Variants in CCDC110 observed in about 807,000 individuals in gnomAD.
The protein encoded by CCDC110 is coiled-coil domain containing 110.
Under a neutral mutation model 77.1 loss-of-function variants are expected in CCDC110, and 70 were observed. That is an observed-to-expected ratio of 0.91 (90% CI 0.75 to 1.11). The LOEUF is 1.11. CCDC110 is among the 50% of genes least tolerant of loss of function. CCDC110 has a pLI of 0.00. For missense variants in CCDC110, 868 were observed against 942.9 expected (o/e 0.92, Z 1.04); for synonymous variants, 295 against 312.5 (o/e 0.94, Z 0.59).
chr4:185,470,946 T>C lies in CCDC110; in HGVS notation c.114A>G (p.Thr38=). The change falls in exon 2 of 7, where the codon ACA becomes ACG. Residue 38 remains threonine (T), a splice_region_variant and synonymous_variant. Transcript: ENST00000307588. ...CCTTTTACGGTCTGGCGATTTTACC[T>C]GTGTCACTGCAGCCACTTTCCTTCA... ...EGVKESGCSD[T]EYGCIAESEN... is the part of the protein sequence containing the mutation. 6.2e-7 allele frequency: 1 copy of C among 1,605,744 alleles called. No individual in the cohort carries two copies. The highest frequency in any genetic ancestry group is 8.5e-7 in the Non-Finnish European group (1 of 1,173,586).
chr4:185,450,380 G>C (rs2095627042), intron 6 of CCDC110, among the ~76,000 whole-genome samples: 1 of 152,078 alleles, frequency 6.6e-6, no homozygotes, highest in Non-Finnish European at 1.5e-5. Flanking sequence ...GCTTCTCCTG[G>C]GGCATCCCAC....
At chr4:185,448,009 A>C (rs1198491932) in intron 6 of CCDC110, among the ~76,000 whole-genome samples, 1 of 152,056 alleles carries the variant, frequency 6.6e-6, no homozygotes, top group Non-Finnish European at 1.5e-5. Context: ...CAGGTTTTGG[A>C]AATACGTTTT....
intron 2 of CCDC110, among the ~76,000 whole-genome samples, chr4:185,469,024 G>A (rs1014510916): frequency 3.3e-5 from 5 of 152,108 alleles, no homozygotes; most frequent in African/African-American, 1.2e-4. Context: ...ACAACACCCT[G>A]GACACCCTCA....
At chr4:185,454,771 T>C (rs1194244417) in intron 6 of CCDC110, among the ~76,000 whole-genome samples, 3 of 152,144 alleles carry the variant, frequency 2.0e-5, no homozygotes, top group Non-Finnish European at 4.4e-5. Context: ...AGCTTTGCTG[T>C]TGTTGTTAAC....
chr4:185,452,823 A>G, intron 6 of CCDC110, among the ~76,000 whole-genome samples: 1 of 138,480 alleles, frequency 7.2e-6, no homozygotes. Flanking sequence ...TGAGCCTGTG[A>G]GGCGGAGGTT....
chr4:185,466,110 TCG>T, intron 2 of CCDC110, among the ~76,000 whole-genome samples: 1 of 152,144 alleles, frequency 6.6e-6, no homozygotes, highest in Non-Finnish European at 1.5e-5. Flanking sequence ...GTGCAGTGGC[TCG>T]CACCTGTAAT....
intron 6 of CCDC110, among the ~76,000 whole-genome samples, chr4:185,448,002 G>GT (rs1316605332): frequency 6.6e-6 from 1 of 152,096 alleles, no homozygotes; most frequent in Non-Finnish European, 1.5e-5. Context: ...GAAAGAACAG[G>GT]TTTTGGAAAT....
rs1233423910 is a variant in CCDC110, at chr4:185,468,554, G to C, written c.115+2391C>G. On this transcript the variant is annotated intron_variant, in intron 2 of 6. Transcript: ENST00000307588. The surrounding 1 kb of genome is among the most constrained non-coding windows in gnomAD (Gnocchi z 4.5). ...TACTTGTTCTGCTCCATTTACAAGA[G>C]CAACCGTTCCTCAATCACACCAGCC... Among the ~76,000 whole-genome samples, 2 of 152,160 alleles carry C rather than the reference G, an allele frequency of 1.3e-5. No individual in the cohort carries two copies. The highest frequency in any genetic ancestry group is 3.9e-4 in the East Asian group (2 of 5,194).
At chr4:185,465,254 A>T (rs12499010) in intron 2 of CCDC110, among the ~76,000 whole-genome samples, 1 of 152,182 alleles carries the variant, frequency 6.6e-6, no homozygotes. Context: ...CTTTTTCTGT[A>T]CAGATTTCCT....
chr4:185,465,963 G>GA (rs2095654945), intron 2 of CCDC110, among the ~76,000 whole-genome samples: 1 of 152,174 alleles, frequency 6.6e-6, no homozygotes, highest in African/African-American at 2.4e-5. Flanking sequence ...TACTTTAGGA[G>GA]AAAAACATTT....
At chr4:185,451,987 G>T (rs1054740219) in intron 6 of CCDC110, among the ~76,000 whole-genome samples, 1 of 152,094 alleles carries the variant, frequency 6.6e-6, no homozygotes, top group Non-Finnish European at 1.5e-5. Context: ...AACCAAATAT[G>T]GAAACCAGTA....
intron 2 of CCDC110, among the ~76,000 whole-genome samples, chr4:185,465,529 C>T (rs759923176): frequency 2.2e-4 from 34 of 152,266 alleles, no homozygotes; most frequent in African/African-American, 4.8e-4. Flanking sequence ...GAGGACACGT[C>T]GGAGCAGGAG....
At chr4:185,456,855 GAAT>G (rs2095636687) in intron 6 of CCDC110, among the ~76,000 whole-genome samples, 1 of 151,990 alleles carries the variant, frequency 6.6e-6, no homozygotes, top group Non-Finnish European at 1.5e-5. Flanking sequence ...TTTAAGGAAG[GAAT>G]AATATTAATA....
intron 2 of CCDC110, among the ~76,000 whole-genome samples, chr4:185,465,927 T>A (rs140258962): frequency 6.6e-6 from 1 of 152,150 alleles, no homozygotes; most frequent in South Asian, 2.1e-4. Context: ...TGTCATTTAC[T>A]GGGGGAAAAC....
At chr4:185,449,701 G>A in intron 6 of CCDC110, 1 of 1,204,080 alleles carries the variant, frequency 8.3e-7, no homozygotes. Context: ...ACTATCAAGA[G>A]CTAATTATTT....
chr4:185,454,110 G>A (rs1038020200), intron 6 of CCDC110, among the ~76,000 whole-genome samples: 10 of 152,014 alleles, frequency 6.6e-5, no homozygotes, highest in East Asian at 1.9e-4. Context: ...GAGCCACCAC[G>A]GCCAGCCTCT....
chr4:185,463,243 G>GTAA (rs1173442864), intron 2 of CCDC110, among the ~76,000 whole-genome samples, 194 bp from the exon 3 acceptor site: 1 of 152,164 alleles, frequency 6.6e-6, no homozygotes, highest in African/African-American at 2.4e-5. Flanking sequence ...ACTTGAGGTT[G>GTAA]TAATAGTGTC....
At chr4:185,466,172 G>A (rs565778775) in intron 2 of CCDC110, among the ~76,000 whole-genome samples, 7 of 151,960 alleles carry the variant, frequency 4.6e-5, no homozygotes, top group South Asian at 4.2e-4. Context: ...TCAGGAGATC[G>A]AGACCATCCT....
chr4:185,445,655 C>T (rs6833872), intron 6 of CCDC110, 113 bp from the exon 7 acceptor site: 597,292 of 665,838 alleles, frequency 0.9, 269,650 homozygotes, highest in East Asian at 0.98. Flanking sequence ...CCAGGTTTTG[C>T]ATACTCTCAA....
Sources: gnomAD v4.1 joint callset for allele counts (sites outside exome capture counted in the v4.1 genomes callset) on GRCh38, gnomAD v4.1.1 for gene constraint, Gnocchi (gnomAD v3.1) non-coding constraint, MANE v1.5 for transcripts, NCBI Gene and HGNC (gene_info 2026-07-23, HGNC 2026-07-21) for gene names.